Variants in C2CD5 observed in about 807,000 individuals in gnomAD.
The protein encoded by C2CD5 is C2 calcium dependent domain containing 5.
Under a neutral mutation model 130.3 loss-of-function variants are expected in C2CD5, and 109 were observed. The ratio of observed to expected loss-of-function variants is 0.84; its 90% CI spans 0.72 to 0.98. C2CD5 has a LOEUF of 0.98. Among genes scored for constraint, C2CD5 ranks in the 50% least tolerant of loss-of-function variants. The pLI is 0.00. For synonymous variants in C2CD5, 454 were observed against 429.2 expected, an observed-to-expected ratio of 1.06 and a Z score of -0.71; for missense variants, 996 against 1,261.8, an observed-to-expected ratio of 0.79 and a Z score of 3.19.
At chr12:22,468,722 TTCAGAA>T (rs1376440716) in intron 22 of C2CD5, among the ~76,000 whole-genome samples, 2 of 152,178 alleles carry the variant, frequency 1.3e-5, no homozygotes, top group African/African-American at 2.4e-5. Context: ...CGTTACAAAG[TTCAGAA>T]TCTGGAAGCA....
rs1200276283 is a variant in C2CD5 at position 22,482,698 on chromosome 12, T to C, written c.1596A>G (p.Thr532=). The change falls in exon 14 of 27, where the codon ACA becomes ACG. Residue 532 remains threonine (T), a synonymous_variant. Coordinates refer to ENST00000446597, the MANE Select transcript of C2CD5 (RefSeq NM_001286176.2). ...TAAATGGCAAGAGATTACTGATAGC[T>C]GTAGCATTTGCTTCTGCCTGTGCTT... is the stretch of plus-strand genomic sequence containing the variant. ...KKKAQAEANA[T]AISNLLPFME... 6.2e-7 allele frequency: 1 copy of C among 1,613,582 alleles called. No individual in the cohort carries two copies. Among genetic ancestry groups the C allele is most frequent in the Admixed American group, 1.7e-5 (1 of 60,010 alleles).
At chr12:22,466,537 C>T (rs1325705105) in intron 22 of C2CD5, among the ~76,000 whole-genome samples, 7 of 152,094 alleles carry the variant, frequency 4.6e-5, no homozygotes, top group Non-Finnish European at 7.4e-5. Context: ...TGTTACAACA[C>T]GCAATTACTC....
At chr12:22,481,128 A>T (rs1421599472) in intron 14 of C2CD5, among the ~76,000 whole-genome samples, 1 of 152,180 alleles carries the variant, frequency 6.6e-6, no homozygotes, top group Admixed American at 6.5e-5. Flanking sequence ...TTTTAATATG[A>T]ACCAAGTTAC....
chr12:22,524,230 C>A (rs1043579856), intron 6 of C2CD5, among the ~76,000 whole-genome samples: 1 of 152,140 alleles, frequency 6.6e-6, no homozygotes, highest in Non-Finnish European at 1.5e-5. Context: ...CCTTGCTCAG[C>A]GCTCTTTCCA....
chr12:22,468,724 C>A (rs538594014), intron 22 of C2CD5, among the ~76,000 whole-genome samples: 1 of 152,150 alleles, frequency 6.6e-6, no homozygotes, highest in Non-Finnish European at 1.5e-5. Context: ...TTACAAAGTT[C>A]AGAATCTGGA....
chr12:22,528,516 T>A (rs1257924440), intron 3 of C2CD5, among the ~76,000 whole-genome samples: 2 of 152,196 alleles, frequency 1.3e-5, no homozygotes, highest in African/African-American at 4.8e-5. Flanking sequence ...CTCACTATTT[T>A]GGCTGCCACC....
chr12:22,479,310 T>G (rs570906617), intron 14 of C2CD5, among the ~76,000 whole-genome samples: 1 of 152,114 alleles, frequency 6.6e-6, no homozygotes, highest in Non-Finnish European at 1.5e-5. Context: ...CTGACCTCAA[T>G]TGATCCGCCT....
intron 11 of C2CD5, among the ~76,000 whole-genome samples, chr12:22,491,298 TC>T (rs1207950965): frequency 6.6e-6 from 1 of 152,178 alleles, no homozygotes; most frequent in African/African-American, 2.4e-5. Context: ...TGAGTCTACA[TC>T]CTGTGGCCTT....
At chr12:22,499,760 C>T (rs1172071731) in intron 10 of C2CD5, among the ~76,000 whole-genome samples, 1 of 152,190 alleles carries the variant, frequency 6.6e-6, no homozygotes, top group Non-Finnish European at 1.5e-5. Flanking sequence ...CAATCTGCTT[C>T]CTAGCAGCAA....
rs773471299 is a variant in C2CD5 at position 22,527,724 on chromosome 12, G to A, written c.346C>T (p.His116Tyr). The A allele has an allele frequency of 6.6e-7, 1 of 1,519,928 alleles. No homozygotes were observed. The highest frequency in any genetic ancestry group is 9.0e-7 in the Non-Finnish European group (1 of 1,107,176). 94.2% of individuals were successfully genotyped at this position (1,519,928 alleles called of 1,614,324 possible). Reference sequence around the variant, plus strand: ...ATACTTTCTTATTATTCCTTACCATGTATGGTGTCATAAATTGGAAACCAT... The same window carrying A: ...ATACTTTCTTATTATTCCTTACCATATATGGTGTCATAAATTGGAAACCAT... The part of the protein sequence containing the change: ...SGWFPIYDTI[H>Y]GIRGEINVVV... The change falls in exon 4 of 27, where the codon CAT (histidine) becomes TAT (tyrosine). Residue 116 changes from histidine to tyrosine, a missense_variant. Coordinates refer to ENST00000446597, the MANE Select transcript of C2CD5 (RefSeq NM_001286176.2).
At chr12:22,478,675 G>A (rs910636108) in intron 14 of C2CD5, among the ~76,000 whole-genome samples, 198 bp from the exon 15 acceptor site, 1 of 151,994 alleles carries the variant, frequency 6.6e-6, no homozygotes, top group South Asian at 2.1e-4. Flanking sequence ...GTGAAACCCC[G>A]TCTCTCCTAA....
chr12:22,453,065 TA>T (rs1483658227), intron 26 of C2CD5, among the ~76,000 whole-genome samples: 1 of 152,202 alleles, frequency 6.6e-6, no homozygotes, highest in Non-Finnish European at 1.5e-5. Flanking sequence ...GATGTACAGG[TA>T]GGGGCAAAAA....
intron 9 of C2CD5, among the ~76,000 whole-genome samples, chr12:22,509,490 C>T (rs1185027152): frequency 6.6e-6 from 1 of 152,164 alleles, no homozygotes; most frequent in African/African-American, 2.4e-5. Context: ...CTCCACCTCA[C>T]ATGTCCCCAG....
At chr12:22,517,461 A>G (rs901029831) in intron 8 of C2CD5, among the ~76,000 whole-genome samples, 7 of 152,180 alleles carry the variant, frequency 4.6e-5, no homozygotes, top group African/African-American at 1.4e-4. Context: ...AAATTTAAGA[A>G]TAAGTAAAAA....
rs771722259 is a variant in C2CD5 at position 22,482,740 on chromosome 12, T to A, written c.1554A>T (p.Leu518Phe). ...IGKGCLIQAR[L>F]CRLKKKAQAE... Reference sequence around the variant, plus strand: ...CCTGTGCTTTCTTTTTTAAGCGACATAACCTGTAAAGGAAAATAAGTCAGT... The same window carrying A: ...CCTGTGCTTTCTTTTTTAAGCGACAAAACCTGTAAAGGAAAATAAGTCAGT... The change falls in exon 14 of 27, where the codon TTA becomes TTT. Residue 518 changes from leucine to phenylalanine, a missense_variant. This residue lies in a region of C2CD5 where 590 missense variants were observed against 631.4 expected (regional missense o/e 0.93). Coordinates refer to ENST00000446597, the MANE Select transcript of C2CD5 (RefSeq NM_001286176.2). 6.2e-7 allele frequency: 1 copy of A among 1,612,036 alleles called. No homozygotes were observed. Among genetic ancestry groups the A allele is most frequent in the Non-Finnish European group, 8.5e-7 (1 of 1,178,412 alleles).
At chr12:22,512,508 T>TAAA in intron 9 of C2CD5, 2 of 526,900 alleles carry the variant, frequency 3.8e-6, no homozygotes, top group Non-Finnish European at 6.4e-6. Flanking sequence ...TGCTATTAAA[T>TAAA]AAAAAAAAAA....
chr12:22,499,360 G>A (rs954288072), intron 10 of C2CD5, among the ~76,000 whole-genome samples: 1 of 152,184 alleles, frequency 6.6e-6, no homozygotes, highest in African/African-American at 2.4e-5. Context: ...GAGTACTCAG[G>A]TACAAATTGT....
chr12:22,499,629 T>C lies in C2CD5; in HGVS notation c.1148-6292A>G, dbSNP rs763524833. ...ACTGGTCTCCCTGTCTCTAGTCTTA[T>C]TGCCTTTAAGCCCATTCTCCACCCT... On this transcript the variant is annotated intron_variant, in intron 10 of 26. Coordinates refer to ENST00000446597, the MANE Select transcript of C2CD5 (RefSeq NM_001286176.2). 4.6e-5 allele frequency among the ~76,000 whole-genome samples: 7 copies of C among 152,314 alleles called. No homozygotes were observed. In the East Asian group the frequency reaches 5.8e-4, roughly 13 times the overall value.
chr12:22,488,204 A>C (rs1945822319), intron 12 of C2CD5, among the ~76,000 whole-genome samples: 1 of 152,174 alleles, frequency 6.6e-6, no homozygotes, highest in Admixed American at 6.5e-5. Context: ...TTAAAAAAAA[A>C]CAAAGAAATA....
Sources: gnomAD v4.1 joint callset for allele counts (sites outside exome capture counted in the v4.1 genomes callset) on GRCh38, gnomAD v4.1.1 for gene constraint, gnomAD v4.1.1 regional missense constraint, MANE v1.5 for transcripts, NCBI Gene and HGNC (gene_info 2026-07-23, HGNC 2026-07-21) for gene names.